The following PPM1H variants were observed in gnomAD, a reference collection of about 807,000 sequenced individuals.
PPM1H encodes the protein protein phosphatase 1H.
A neutral mutation model predicts 54.9 loss-of-function variants in PPM1H; 27 were observed. That is an observed-to-expected ratio of 0.49 (90% CI 0.36 to 0.68). The LOEUF (loss-of-function observed/expected upper bound fraction) is 0.68, where lower values mean the gene tolerates loss of function less well. Ranked by LOEUF, PPM1H falls within the 30% of genes least tolerant of loss-of-function variation. The pLI is 0.00. For synonymous variants in PPM1H, 305 were observed against 270.8 expected, an observed-to-expected ratio of 1.13 and a Z score of -1.24; for missense variants, 596 against 667.8, an observed-to-expected ratio of 0.89 and a Z score of 1.19.
At chr12:62,831,697 T>C (rs974947352) in intron 2 of PPM1H, among the ~76,000 whole-genome samples, 5 of 149,470 alleles carry the variant, frequency 3.3e-5, no homozygotes, top group South Asian at 2.1e-4. Flanking sequence ...CCGTCAAACA[T>C]TGTGTGTGTA....
intron 9 of PPM1H, among the ~76,000 whole-genome samples, chr12:62,665,346 GC>G (rs1266511779): frequency 6.6e-6 from 1 of 152,150 alleles, no homozygotes; most frequent in East Asian, 1.9e-4. Flanking sequence ...ACAGCACTCG[GC>G]TTTTCTTCGG....
At chr12:62,925,841 T>C (rs1871955648) in intron 1 of PPM1H, among the ~76,000 whole-genome samples, 3 of 152,230 alleles carry the variant, frequency 2.0e-5, no homozygotes, top group African/African-American at 7.2e-5. Flanking sequence ...AGCAGGCACA[T>C]TCAGACACAA....
In PPM1H at chr12:62,934,401, G is replaced by A; in HGVS notation, c.245+91C>T. On this transcript the variant is annotated intron_variant, in intron 1 of 9. Transcript: ENST00000228705. This position sits in a 1 kb window ranked among gnomAD's most constrained non-coding sequence, Gnocchi z 4.2. ...GACGCCGGCAGCTAGTGAGAGCCCT[G>A]AGGCCGAGAAGCAGGGAGAGAAGAG... The A allele has an allele frequency of 7.1e-7, 1 of 1,398,904 alleles. No individual in the cohort carries two copies. The highest frequency in any genetic ancestry group is 9.3e-7 in the Non-Finnish European group (1 of 1,074,908). The allele number at this position is 1,398,904 out of a possible 1,614,324, so 86.7% of individuals were successfully genotyped here.
chr12:62,784,863 G>A (rs762678807), intron 4 of PPM1H, among the ~76,000 whole-genome samples: 1 of 152,146 alleles, frequency 6.6e-6, no homozygotes, highest in Admixed American at 6.5e-5. Flanking sequence ...AGTAAGTGTC[G>A]CATAAACGAT....
chr12:62,874,714 C>G (rs1343904642), intron 1 of PPM1H, among the ~76,000 whole-genome samples: 1 of 152,196 alleles, frequency 6.6e-6, no homozygotes, highest in Non-Finnish European at 1.5e-5. Flanking sequence ...GATAAACATT[C>G]TCATCCATAT....
chr12:62,744,795 C>T (rs537963941), intron 4 of PPM1H, among the ~76,000 whole-genome samples: 1 of 152,298 alleles, frequency 6.6e-6, no homozygotes, highest in East Asian at 1.9e-4. Context: ...GACTCATACC[C>T]CACTAGCCTA....
At chr12:62,777,627 A>G (rs2076618921) in intron 4 of PPM1H, among the ~76,000 whole-genome samples, 1 of 152,250 alleles carries the variant, frequency 6.6e-6, no homozygotes, top group African/African-American at 2.4e-5. Context: ...ATCTTATATT[A>G]AGGATGACAG....
At chr12:62,853,957 A>C (rs950343681) in intron 1 of PPM1H, among the ~76,000 whole-genome samples, 1 of 152,230 alleles carries the variant, frequency 6.6e-6, no homozygotes, top group Non-Finnish European at 1.5e-5. Flanking sequence ...AGAGATGGCC[A>C]AGCTGCACGT....
chr12:62,693,471 C>A (rs948039251), intron 7 of PPM1H, among the ~76,000 whole-genome samples: 2 of 152,176 alleles, frequency 1.3e-5, no homozygotes, highest in Non-Finnish European at 2.9e-5. Flanking sequence ...GCGAAGCAGA[C>A]AGAAAGCCAA....
At chr12:62,688,330 T>G (rs910666010) in intron 8 of PPM1H, among the ~76,000 whole-genome samples, 4 of 152,048 alleles carry the variant, frequency 2.6e-5, no homozygotes, top group South Asian at 4.1e-4. Flanking sequence ...CCTGACACAA[T>G]GGAGGTGCTG....
At chr12:62,776,996 G>C (rs2076614991) in intron 4 of PPM1H, among the ~76,000 whole-genome samples, 1 of 152,292 alleles carries the variant, frequency 6.6e-6, no homozygotes, top group Non-Finnish European at 1.5e-5. Context: ...GTGGCTCAAT[G>C]AGGGTTATAT....
chr12:62,891,782 T>C (rs1166591121), intron 1 of PPM1H, among the ~76,000 whole-genome samples: 1 of 152,220 alleles, frequency 6.6e-6, no homozygotes, highest in Non-Finnish European at 1.5e-5. Flanking sequence ...TACTCTTCAG[T>C]GAATATATTC....
chr12:62,718,223 A>T (rs1398287118), intron 6 of PPM1H, among the ~76,000 whole-genome samples: 1 of 152,254 alleles, frequency 6.6e-6, no homozygotes, highest in Non-Finnish European at 1.5e-5. Flanking sequence ...TTAAATAGGC[A>T]ACTGGTGCTG....
At chr12:62,653,716 G>T (rs1310961475) in intron 9 of PPM1H, among the ~76,000 whole-genome samples, 1 of 152,184 alleles carries the variant, frequency 6.6e-6, no homozygotes, top group African/African-American at 2.4e-5. Flanking sequence ...TTACTGAGGG[G>T]CAGTATGGAT....
At chr12:62,899,493 A>G (rs1047919945) in intron 1 of PPM1H, among the ~76,000 whole-genome samples, 4 of 152,276 alleles carry the variant, frequency 2.6e-5, no homozygotes, top group African/African-American at 9.6e-5. Flanking sequence ...AGTTTACAAA[A>G]GTCTGACTGA....
chr12:62,756,958 T>C (rs1449595576), intron 4 of PPM1H, among the ~76,000 whole-genome samples: 2 of 151,970 alleles, frequency 1.3e-5, no homozygotes, highest in Non-Finnish European at 2.9e-5. Flanking sequence ...GGGAAAACTC[T>C]CCTTCCAGAG....
intron 4 of PPM1H, among the ~76,000 whole-genome samples, chr12:62,747,745 A>G (rs2076421017): frequency 6.6e-6 from 1 of 152,238 alleles, no homozygotes; most frequent in Admixed American, 6.5e-5. Context: ...CAAAATTCAC[A>G]GTCAAGTAAT....
At chr12:62,904,448 C>T (rs940249140) in intron 1 of PPM1H, among the ~76,000 whole-genome samples, 9 of 152,112 alleles carry the variant, frequency 5.9e-5, no homozygotes, top group African/African-American at 1.7e-4. Flanking sequence ...CCATATTGCC[C>T]AGGCTGACCT....
At chr12:62,807,084 G>C (rs1391623106) in intron 2 of PPM1H, among the ~76,000 whole-genome samples, 1 of 152,154 alleles carries the variant, frequency 6.6e-6, no homozygotes, top group African/African-American at 2.4e-5. Flanking sequence ...GGTAGAATGG[G>C]GGCATGATGC....
Sources: gnomAD v4.1 joint callset for allele counts (sites outside exome capture counted in the v4.1 genomes callset) on GRCh38, gnomAD v4.1.1 for gene constraint, Gnocchi (gnomAD v3.1) non-coding constraint, MANE v1.5 for transcripts, NCBI Gene and HGNC (gene_info 2026-07-23, HGNC 2026-07-21) for gene names.